Variants in SV2C observed in about 807,000 individuals in gnomAD.
SV2C encodes the protein synaptic vesicle glycoprotein 2C, also known as solute carrier family 22 member B3.
A neutral mutation model predicts 79.7 loss-of-function variants in SV2C; 49 were observed. That is an observed-to-expected ratio of 0.61 (90% CI 0.49 to 0.78). SV2C has a LOEUF of 0.78. SV2C is among the 30% of genes least tolerant of loss of function. The pLI is 0.00. For missense variants in SV2C, 833 were observed against 912.9 expected, an observed-to-expected ratio of 0.91 and a Z score of 1.13; for synonymous variants, 334 against 333.2, an observed-to-expected ratio of 1.00 and a Z score of -0.03.
chr5:75,933,133 A>G, the SV2C span, among the ~76,000 whole-genome samples: 1 of 152,038 alleles, frequency 6.6e-6, no homozygotes, highest in African/African-American at 2.4e-5. Context: ...TTCCTTATCC[A>G]TTAGTGCTTA....
intron 1 of SV2C, among the ~76,000 whole-genome samples, chr5:76,122,979 C>A (rs1331143386): frequency 1.3e-5 from 2 of 151,040 alleles, no homozygotes; most frequent in African/African-American, 2.4e-5. Context: ...CTAGCAAGAC[C>A]AATAAAGAAA....
chr5:76,196,457 C>A (rs1354211491), intron 3 of SV2C, among the ~76,000 whole-genome samples: 8 of 152,204 alleles, frequency 5.3e-5, no homozygotes, highest in African/African-American at 1.9e-4. Flanking sequence ...TTCTGTGAGA[C>A]TGGCTACATA....
the SV2C span, among the ~76,000 whole-genome samples, chr5:75,957,360 A>G: frequency 6.6e-6 from 1 of 152,050 alleles, no homozygotes; most frequent in African/African-American, 2.4e-5. Flanking sequence ...GCCAATAACT[A>G]TGAGCTGCTA....
At chr5:76,341,159 G>A (rs1749434467) in intron 12 of SV2C, among the ~76,000 whole-genome samples, 1 of 152,010 alleles carries the variant, frequency 6.6e-6, no homozygotes, top group Admixed American at 6.6e-5. Flanking sequence ...TCAAACTCCT[G>A]ACCTCAGGTG....
At chr5:75,961,543 C>T in the SV2C span, among the ~76,000 whole-genome samples, 3 of 151,742 alleles carry the variant, frequency 2.0e-5, no homozygotes, top group Admixed American at 6.6e-5. Flanking sequence ...AATGTTATTA[C>T]ATTATTCAAA....
At chr5:76,042,052 C>T in the SV2C span, among the ~76,000 whole-genome samples, 3 of 152,298 alleles carry the variant, frequency 2.0e-5, no homozygotes, top group African/African-American at 4.8e-5. Flanking sequence ...GCCTGCCACC[C>T]GCCATTCAGG....
chr5:76,309,885 G>A (rs1304766525), intron 12 of SV2C, among the ~76,000 whole-genome samples: 1 of 152,126 alleles, frequency 6.6e-6, no homozygotes, highest in South Asian at 2.1e-4. Flanking sequence ...GGACACAGGA[G>A]GGACAGTGGG....
the SV2C span, among the ~76,000 whole-genome samples, chr5:75,895,930 C>G: frequency 6.6e-6 from 1 of 151,986 alleles, no homozygotes; most frequent in African/African-American, 2.4e-5. Context: ...TTGAACCTAT[C>G]TTATAAAGAT....
At chr5:75,875,162 A>G in the SV2C span, among the ~76,000 whole-genome samples, 1 of 152,222 alleles carries the variant, frequency 6.6e-6, no homozygotes, top group Non-Finnish European at 1.5e-5. Context: ...GAGCCATCAC[A>G]TTAACTGATT....
chr5:75,852,030 G>C, the SV2C span, among the ~76,000 whole-genome samples: 46,544 of 151,942 alleles, frequency 0.31, 11,759 homozygotes, highest in African/African-American at 0.7. Context: ...TTGACTGATT[G>C]CAACAGAAGC....
the SV2C span, among the ~76,000 whole-genome samples, chr5:75,919,810 C>G: frequency 2.3e-4 from 35 of 152,332 alleles, no homozygotes; most frequent in African/African-American, 7.5e-4. Flanking sequence ...TTGACTTTGA[C>G]AATTGTGTAC....
chr5:76,128,479 A>G (rs1748780754), intron 1 of SV2C, among the ~76,000 whole-genome samples: 1 of 152,184 alleles, frequency 6.6e-6, no homozygotes, highest in Non-Finnish European at 1.5e-5. Context: ...CCTCAGTGAG[A>G]CCACTGGGTG....
the SV2C span, among the ~76,000 whole-genome samples, chr5:75,892,612 G>A: frequency 1.3e-5 from 2 of 151,942 alleles, no homozygotes; most frequent in Non-Finnish European, 2.9e-5. Context: ...AGTCCCCAGT[G>A]TCTCTTATTC....
intron 12 of SV2C, among the ~76,000 whole-genome samples, chr5:76,313,991 T>C (rs1266930956): frequency 6.6e-6 from 1 of 152,184 alleles, no homozygotes; most frequent in Non-Finnish European, 1.5e-5. Flanking sequence ...TTAGAGACAA[T>C]TTATCTATCA....
intron 1 of SV2C, among the ~76,000 whole-genome samples, chr5:76,088,356 A>G (rs1747265254): frequency 6.6e-6 from 1 of 152,224 alleles, no homozygotes; most frequent in Non-Finnish European, 1.5e-5. Flanking sequence ...TCCAGCTGCT[A>G]TAACAAAAAT....
the SV2C span, among the ~76,000 whole-genome samples, chr5:75,965,056 A>G: frequency 1.3e-5 from 2 of 152,202 alleles, no homozygotes; most frequent in Non-Finnish European, 2.9e-5. Flanking sequence ...TGATAGTATT[A>G]GGGCATGTAC....
At chr5:75,867,700 GTTCC>G in the SV2C span, among the ~76,000 whole-genome samples, 1 of 152,176 alleles carries the variant, frequency 6.6e-6, no homozygotes, top group Non-Finnish European at 1.5e-5. Context: ...TCTTTGGAAT[GTTCC>G]TTCCTGTTGA....
intron 4 of SV2C, among the ~76,000 whole-genome samples, chr5:76,248,604 A>G (rs1029928666): frequency 2.0e-5 from 3 of 151,194 alleles, no homozygotes; most frequent in African/African-American, 4.9e-5. Context: ...AGTGCCCTGC[A>G]CATAGTAGGT....
At chr5:76,013,736 T>G in the SV2C span, among the ~76,000 whole-genome samples, 2 of 152,092 alleles carry the variant, frequency 1.3e-5, no homozygotes, top group African/African-American at 4.8e-5. Context: ...CATGACCACA[T>G]TAGAAGATAT....
Sources: allele counts gnomAD v4.1 joint callset (sites outside exome capture counted in the v4.1 genomes callset), GRCh38; gene constraint gnomAD v4.1.1; transcripts MANE v1.5; gene names NCBI Gene and HGNC (gene_info 2026-07-23, HGNC 2026-07-21).